Variants in FOXK2 observed in about 807,000 individuals in gnomAD.
FOXK2 encodes forkhead box protein K2.
Under a neutral mutation model 53.3 loss-of-function variants are expected in FOXK2, and 24 were observed. The observed-to-expected ratio is 0.45, with a 90% CI of 0.33 to 0.63. The LOEUF is 0.63. Among genes scored for constraint, FOXK2 ranks in the 30% least tolerant of loss-of-function variants. The probability of loss-of-function intolerance (pLI) is 0.03; values close to 1 mark genes in which losing one functional copy is unlikely to be tolerated. For missense variants in FOXK2, 952 were observed against 910.5 expected (o/e 1.05, Z -0.59); for synonymous variants, 505 against 407.1 (o/e 1.24, Z -2.89).
At chr17:82,532,174 C>T (rs887194631) in intron 1 of FOXK2, among the ~76,000 whole-genome samples, 4 of 148,336 alleles carry the variant, frequency 2.7e-5, no homozygotes, top group South Asian at 4.3e-4. Flanking sequence ...GATGGAGTTT[C>T]GCTCTTGTTG....
intron 5 of FOXK2, among the ~76,000 whole-genome samples, chr17:82,583,172 A>G (rs566637313): frequency 6.6e-6 from 1 of 152,360 alleles, no homozygotes; most frequent in Non-Finnish European, 1.5e-5. Context: ...TTGTTGCTTC[A>G]TGGGGCTCAT....
At chr17:82,596,682 C>T (rs2045316892) in intron 8 of FOXK2, among the ~76,000 whole-genome samples, 1 of 152,212 alleles carries the variant, frequency 6.6e-6, no homozygotes, top group Admixed American at 6.5e-5. Context: ...GGCATTTCCG[C>T]GTGAACTGTA....
rs537527403 is a variant in FOXK2 at position 82,521,234 on chromosome 17, G to A, written c.419+927G>A. On this transcript the variant is annotated intron_variant, in intron 1 of 8. Transcript: ENST00000335255. ...GTCGCTCAGGCTGGAGTGTAGTGGC[G>A]CGATCTTGGCTCACTGCAATCTCCG... Among the ~76,000 whole-genome samples the A allele has an allele frequency of 5.0e-4, 76 of 152,210 alleles. 1 individual carries two copies. Among genetic ancestry groups the A allele is most frequent in the African/African-American group, 1.8e-3 (75 of 41,526 alleles).
At chr17:82,531,992 C>T (rs963657765) in intron 1 of FOXK2, among the ~76,000 whole-genome samples, 10 of 151,324 alleles carry the variant, frequency 6.6e-5, no homozygotes, top group Admixed American at 5.3e-4. Flanking sequence ...AGGCTCACGC[C>T]GCCACGCCCG....
At chr17:82,552,461 C>T (rs1463682531) in intron 1 of FOXK2, among the ~76,000 whole-genome samples, 1 of 152,194 alleles carries the variant, frequency 6.6e-6, no homozygotes, top group African/African-American at 2.4e-5. Flanking sequence ...CACCGTCGCT[C>T]CTGCCCTTCA....
At chr17:82,531,804 A>T (rs148767927) in intron 1 of FOXK2, among the ~76,000 whole-genome samples, 1 of 152,326 alleles carries the variant, frequency 6.6e-6, no homozygotes, top group East Asian at 1.9e-4. Flanking sequence ...ACGTGACTGT[A>T]CACCGCTGTC....
In FOXK2 at chr17:82,563,369, C is replaced by T. The variant is rs749751515; in HGVS notation, c.435C>T (p.Phe145=). The change falls in exon 2 of 9, where the codon TTC becomes TTT. Residue 145 remains phenylalanine, a synonymous_variant. Transcript: ENST00000335255. The part of the protein sequence containing the change: ...LQLPRVCTFR[F]PSTNIKITFT... ...TCTTTTCCAGGTGCACATTCAGGTT[C>T]CCGAGCACAAACATCAAGATAACGT... 6.2e-7 allele frequency: 1 copy of T among 1,613,402 alleles called. No homozygotes were observed. The highest frequency in any genetic ancestry group is 8.5e-7 in the Non-Finnish European group (1 of 1,179,688).
chr17:82,539,217 A>G lies in FOXK2; in HGVS notation c.419+18910A>G, dbSNP rs549137934. Among the ~76,000 whole-genome samples the G allele has an allele frequency of 6.1e-3, 914 of 149,822 alleles. 5 individuals carry two copies. Among genetic ancestry groups the G allele is most frequent in the Non-Finnish European group, 0.01 (697 of 67,444 alleles). ...CGTGGTGGCTCAGGCCCGTAATCTCAGCACTGTAAGGTGGCCGGGCGTGGT... is the reference window on the plus strand; with the variant it reads ...CGTGGTGGCTCAGGCCCGTAATCTCGGCACTGTAAGGTGGCCGGGCGTGGT... On this transcript the variant is annotated intron_variant, in intron 1 of 8. Coordinates refer to ENST00000335255, the MANE Select transcript of FOXK2 (RefSeq NM_004514.4).
intron 1 of FOXK2, among the ~76,000 whole-genome samples, chr17:82,557,072 C>T (rs1052288002): frequency 6.6e-6 from 1 of 150,512 alleles, no homozygotes; most frequent in African/African-American, 2.4e-5. Flanking sequence ...TCTTGTTGCC[C>T]AGGCTGGAGT....
intron 1 of FOXK2, among the ~76,000 whole-genome samples, chr17:82,552,904 A>C (rs2044690366): frequency 6.6e-6 from 1 of 152,292 alleles, no homozygotes; most frequent in Middle Eastern, 3.4e-3. Context: ...CCCGTTACGT[A>C]AAATCACAGA....
chr17:82,559,122 G>T (rs2044764907), intron 1 of FOXK2, among the ~76,000 whole-genome samples: 1 of 152,122 alleles, frequency 6.6e-6, no homozygotes, highest in African/African-American at 2.4e-5. Context: ...TCGAACTTCT[G>T]ACCTCAGGGG....
At chr17:82,583,835 C>T (rs1001137535) in intron 5 of FOXK2, among the ~76,000 whole-genome samples, 178 bp from the exon 6 acceptor site, 2 of 152,226 alleles carry the variant, frequency 1.3e-5, no homozygotes, top group Non-Finnish European at 2.9e-5. Context: ...AGTCTGTCTA[C>T]CCGAGTGTCC....
At chr17:82,550,753 C>T (rs2044669255) in intron 1 of FOXK2, among the ~76,000 whole-genome samples, 1 of 152,200 alleles carries the variant, frequency 6.6e-6, no homozygotes, top group South Asian at 2.1e-4. Flanking sequence ...GATCCGCCTG[C>T]CTCAGCCTCC....
chr17:82,520,531 C>G (rs1042123734), intron 1 of FOXK2, among the ~76,000 whole-genome samples: 1 of 152,184 alleles, frequency 6.6e-6, no homozygotes, highest in African/African-American at 2.4e-5. Context: ...TGCAGCCCCC[C>G]GTCTTTCCCC....
At position 82,573,712 on chromosome 17, in the gene FOXK2, T is replaced by G. The variant is rs570845565; in HGVS notation, c.909+1842T>G. 7.2e-5 allele frequency among the ~76,000 whole-genome samples: 11 copies of G among 152,330 alleles called. No homozygotes were observed. The East Asian group carries it at 2.1e-3, about 29-fold the overall frequency. On this transcript the variant is annotated intron_variant, in intron 4 of 8. Coordinates refer to ENST00000335255, the MANE Select transcript of FOXK2 (RefSeq NM_004514.4). ...CTCTGTGGGAGTGTGTGAGGGTCCC[T>G]CAGAGTTTACAGCTTATTCTGATGG...
At chr17:82,582,992 G>A (rs776920816) in intron 5 of FOXK2, 58 bp downstream of exon 5, 2 of 1,267,454 alleles carry the variant, frequency 1.6e-6, no homozygotes, top group Non-Finnish European at 2.1e-6. Context: ...TACCTTCAGT[G>A]TATTGGGAAA....
chr17:82,567,957 T>G, intron 2 of FOXK2, 97 bp from the exon 3 acceptor site: 2 of 798,036 alleles, frequency 2.5e-6, no homozygotes, highest in South Asian at 2.9e-5. Context: ...TTAACATTTC[T>G]GTATTTGTTA....
rs991920634 is a variant in FOXK2, at chr17:82,585,627, A to G, written c.1280-277A>G. 3.3e-5 allele frequency among the ~76,000 whole-genome samples: 5 copies of G among 152,152 alleles called. No individual in the cohort carries two copies. The East Asian group carries it at 9.6e-4, about 29-fold the overall frequency. On this transcript the variant is annotated intron_variant, in intron 6 of 8. Coordinates refer to ENST00000335255, the MANE Select transcript of FOXK2 (RefSeq NM_004514.4). Reference sequence around the variant, plus strand: ...GTTTCCTCTTTTATTGAGTATTGACATTTTCTTTTTTATAAAGAACTGTGG... The same window carrying G: ...GTTTCCTCTTTTATTGAGTATTGACGTTTTCTTTTTTATAAAGAACTGTGG...
chr17:82,575,967 G>A (rs55846336), intron 4 of FOXK2, among the ~76,000 whole-genome samples: 22,888 of 128,188 alleles, frequency 0.18, 1,693 homozygotes, highest in Non-Finnish European at 0.23. Context: ...GTGTGTGCTC[G>A]GGTGGCGGCG....
Sources: gnomAD v4.1 joint callset for allele counts (sites outside exome capture counted in the v4.1 genomes callset) on GRCh38, gnomAD v4.1.1 for gene constraint, MANE v1.5 for transcripts, NCBI Gene and HGNC (gene_info 2026-07-23, HGNC 2026-07-21) for gene names.